Variants in PPRC1 observed in about 807,000 individuals in gnomAD.
PPRC1 encodes the protein PPARG related coactivator 1.
Under a neutral mutation model 132.5 loss-of-function variants are expected in PPRC1, and 23 were observed. The observed-to-expected ratio is 0.17, with a 90% CI of 0.12 to 0.25. The LOEUF is 0.25. PPRC1 is among the 10% of genes least tolerant of loss of function. The probability of loss-of-function intolerance (pLI) is 1.00; values close to 1 mark genes in which losing one functional copy is unlikely to be tolerated. For synonymous variants in PPRC1, 872 were observed against 833.5 expected, an observed-to-expected ratio of 1.05 and a Z score of -0.80; for missense variants, 2,006 against 2,089.1, an observed-to-expected ratio of 0.96 and a Z score of 0.78.
At chr10:102,128,167 G>T (rs2133560699), upstream of PPRC1, among the ~76,000 whole-genome samples, 1 of 151,532 alleles carries the variant, frequency 6.6e-6, no homozygotes, top group East Asian at 1.9e-4. Flanking sequence ...TTGAGACAGA[G>T]TCTTGCTCTG....
chr10:102,120,255 G>A, the PPRC1 span: 12 of 983,292 alleles, frequency 1.2e-5, no homozygotes, highest in Non-Finnish European at 1.2e-5. Context: ...GGTGCGGGCG[G>A]CCCCTGGCTG....
rs1439444662 is a variant in PPRC1 at position 102,147,067 on chromosome 10, A to C, written c.4075A>C (p.Ser1359Arg). The C allele has an allele frequency of 1.2e-6, 2 of 1,614,150 alleles. No homozygotes were observed. The highest frequency in any genetic ancestry group is 2.2e-5 in the South Asian group (2 of 91,084). ...ASREPLDHRT[S>R]SEQADPSAPC... is the part of the protein sequence containing the mutation. ...CCGGGAGCCGCTTGATCACAGGACT[A>C]GCAGTGAGCAGGCAGATCCCTCAGC... is the stretch of plus-strand genomic sequence containing the variant. Residue 1359 changes from serine to arginine, a missense_variant, in exon 9 of 14, where the codon AGC becomes CGC. Physicochemically the swap from Ser to Arg is moderately radical, Grantham distance 110. Transcript: ENST00000278070.
chr10:102,137,792 C>A, intron 1 of PPRC1, 58 bp from the exon 2 acceptor site: 2 of 1,518,500 alleles, frequency 1.3e-6, no homozygotes, highest in Non-Finnish European at 8.9e-7. Flanking sequence ...ATTTATGGAG[C>A]ATATTATCAG....
chr10:102,126,281 G>A, the PPRC1 span, among the ~76,000 whole-genome samples: 11,322 of 151,978 alleles, frequency 0.074, 499 homozygotes, highest in African/African-American at 0.12. Context: ...GTTTGAGACA[G>A]CAGTGAACTG....
chr10:102,149,055 G>T (rs2069396605), intron 12 of PPRC1, 117 bp downstream of exon 12: 2 of 1,530,612 alleles, frequency 1.3e-6, no homozygotes, highest in Admixed American at 2.0e-5. Flanking sequence ...CTTCATTTCT[G>T]CAGTCAGAGG....
Position 102,138,745 on chromosome 10 carries a change from T to C in PPRC1, c.469T>C (p.Ser157Pro). 6.2e-6 allele frequency: 10 copies of C among 1,614,200 alleles called. No homozygotes were observed. Among genetic ancestry groups the C allele is most frequent in the Non-Finnish European group, 8.5e-6 (10 of 1,180,026 alleles). Residue 157 changes from serine (S) to proline (P), a missense_variant, in exon 3 of 14, where the codon TCA (serine) becomes CCA (proline). Ser to Pro is a moderately conservative substitution (Grantham distance 74, BLOSUM62 -1). Coordinates refer to ENST00000278070, the MANE Select transcript of PPRC1 (RefSeq NM_015062.5). ...CATTCCTGATTCGGAGCTGCTTGTGTCACCCCGGGAGGGCTCCTCTGTGAG... is the reference window on the plus strand; with the variant it reads ...CATTCCTGATTCGGAGCTGCTTGTGCCACCCCGGGAGGGCTCCTCTGTGAG... The part of the protein sequence containing the change: ...DSIPDSELLV[S>P]PREGSSLHKL...
Position 102,148,324 on chromosome 10 carries a change from T to G in PPRC1, c.4401-48T>G, listed in dbSNP as rs532581861. The G allele has an allele frequency of 1.9e-6, 3 of 1,596,820 alleles. No individual in the cohort carries two copies. The highest frequency in any genetic ancestry group is 2.6e-6 in the Non-Finnish European group (3 of 1,171,268). On this transcript the variant is annotated intron_variant, in intron 9 of 13. Transcript: ENST00000278070. The surrounding 1 kb of genome is among the most constrained non-coding windows in gnomAD (Gnocchi z 4.2). ...TGGGGCCTGGGTGAGATAAGCAGAG[T>G]ATACCTGAACCACTCCCAGCATTCC...
chr10:102,130,278 G>T (rs768158712), upstream of PPRC1, among the ~76,000 whole-genome samples: 2 of 152,106 alleles, frequency 1.3e-5, no homozygotes, highest in Admixed American at 1.3e-4. Context: ...TTAGCCAGGC[G>T]TGGTGGCAGG....
chr10:102,140,393 C>G lies in PPRC1; in HGVS notation c.1885C>G (p.Pro629Ala). The G allele has an allele frequency of 6.2e-7, 1 of 1,614,176 alleles. No homozygotes were observed. Among genetic ancestry groups the G allele is most frequent in the South Asian group, 1.1e-5 (1 of 91,088 alleles). ...SELVEPLPAEPVLINPVLADS... is the reference protein window; with the variant it reads ...SELVEPLPAEAVLINPVLADS... ...ACTGGTTGAGCCTCTCCCGGCTGAGCCAGTGCTGATCAACCCAGTCCTGGC... is the reference window on the plus strand; with the variant it reads ...ACTGGTTGAGCCTCTCCCGGCTGAGGCAGTGCTGATCAACCCAGTCCTGGC... Residue 629 changes from proline to alanine, a missense_variant, in exon 5 of 14, where the codon CCA (proline) becomes GCA (alanine). Coordinates refer to ENST00000278070, the MANE Select transcript of PPRC1 (RefSeq NM_015062.5).
chr10:102,146,953 T>C lies in PPRC1; in HGVS notation c.3961T>C (p.Trp1321Arg), dbSNP rs2069274311. Reference protein sequence around the residue: ...ALVIPEVGSRWNVKRHQDITI... With the variant: ...ALVIPEVGSRRNVKRHQDITI... ...AGTCATTCCAGAGGTGGGCTCCCGA[T>C]GGAATGTCAAGCGCCATCAGGACAT... Residue 1321 changes from tryptophan (W) to arginine (R), a missense_variant, in exon 9 of 14, where the codon TGG becomes CGG. By Grantham distance (101) the Trp-to-Arg change is moderately radical. Coordinates refer to ENST00000278070, the MANE Select transcript of PPRC1 (RefSeq NM_015062.5). 3.1e-6 allele frequency: 5 copies of C among 1,613,996 alleles called. No individual in the cohort carries two copies. Among genetic ancestry groups the C allele is most frequent in the African/African-American group, 1.3e-5 (1 of 74,888 alleles).
upstream of PPRC1, among the ~76,000 whole-genome samples, chr10:102,131,468 T>C (rs572326850): frequency 2.6e-5 from 4 of 152,074 alleles, no homozygotes; most frequent in South Asian, 8.3e-4. Context: ...TGGGGATGTA[T>C]AGTGATGCAA....
chr10:102,138,945 C>T lies in PPRC1; in HGVS notation c.556C>T (p.Leu186=). 1 of 1,614,200 alleles carries T rather than the reference C, an allele frequency of 6.2e-7. No individual in the cohort carries two copies. The highest frequency in any genetic ancestry group is 8.5e-7 in the Non-Finnish European group (1 of 1,180,012). Residue 186 remains leucine (L), a synonymous_variant, in exon 4 of 14, where the codon CTG becomes TTG. Transcript: ENST00000278070. The part of the protein sequence containing the change: ...ERDLITPVDP[L]GPSTGSSRGS... ...TGACCTCATCACCCCAGTTGACCCA[C>T]TGGGGCCCAGTACAGGCAGCAGTAG...
chr10:102,135,144 G>A (rs1459036271), intron 1 of PPRC1, among the ~76,000 whole-genome samples: 1 of 152,242 alleles, frequency 6.6e-6, no homozygotes, highest in Non-Finnish European at 1.5e-5. Flanking sequence ...TTGGGATTAT[G>A]TAATTGGCAG....
Position 102,141,103 on chromosome 10 carries a change from G to A in PPRC1, c.2595G>A (p.Val865=), listed in dbSNP as rs1463873808. 1 of 1,614,082 alleles carries A rather than the reference G, an allele frequency of 6.2e-7. No homozygotes were observed. Among genetic ancestry groups the A allele is most frequent in the Non-Finnish European group, 8.5e-7 (1 of 1,180,004 alleles). Residue 865 remains valine (V), a synonymous_variant, in exon 5 of 14, where the codon GTG becomes GTA. Transcript: ENST00000278070. ...GACCTTCCCCTCCTGTGCAGTCTGT[G>A]TCCCCTGCTGTGCCCACACCTCCCT... ...LARPSPPVQS[V]SPAVPTPPSM...
chr10:102,125,724 C>T, the PPRC1 span, among the ~76,000 whole-genome samples: 2 of 152,088 alleles, frequency 1.3e-5, no homozygotes, highest in Admixed American at 6.6e-5. Flanking sequence ...GAGGTAAGCC[C>T]CCTGTTTGTC....
chr10:102,141,273 C>T lies in PPRC1; in HGVS notation c.2765C>T (p.Ser922Phe). The T allele has an allele frequency of 1.2e-6, 2 of 1,614,116 alleles. No individual in the cohort carries two copies. Among genetic ancestry groups the T allele is most frequent in the Non-Finnish European group, 1.7e-6 (2 of 1,179,986 alleles). Residue 922 changes from serine to phenylalanine, a missense_variant, in exon 5 of 14, where the codon TCC becomes TTC. By Grantham distance (155) the Ser-to-Phe change is radical. Around this residue, in one of 2 missense-constraint regions of PPRC1, gnomAD observed 1,914 missense variants for 1,917.2 expected, o/e 1.00. Transcript: ENST00000278070. ...TTTACTCACTATGCCCCCTTGCCAT[C>T]CTGGCCTTGTTATCCTCATGTGTCC... ...DPFTHYAPLP[S>F]WPCYPHVSPS...
chr10:102,125,345 G>A, the PPRC1 span, among the ~76,000 whole-genome samples: 2 of 147,946 alleles, frequency 1.4e-5, no homozygotes, highest in African/African-American at 5.0e-5. Flanking sequence ...TGCAACCTCC[G>A]CCTCCTGGGT....
intron 12 of PPRC1, 80 bp downstream of exon 12, chr10:102,149,018 T>TCTG: frequency 1.3e-6 from 2 of 1,578,792 alleles, no homozygotes; most frequent in Non-Finnish European, 1.7e-6. Context: ...GCCTCCTTGC[T>TCTG]CTGGTGTGCT....
chr10:102,140,393 C>A lies in PPRC1; in HGVS notation c.1885C>A (p.Pro629Thr), dbSNP rs1382394701. The A allele has an allele frequency of 9.9e-6, 16 of 1,614,176 alleles. No homozygotes were observed. Among genetic ancestry groups the A allele is most frequent in the Non-Finnish European group, 1.4e-5 (16 of 1,180,032 alleles). ...SELVEPLPAE[P>T]VLINPVLADS... The stretch of plus-strand genomic sequence containing the variant: ...ACTGGTTGAGCCTCTCCCGGCTGAG[C>A]CAGTGCTGATCAACCCAGTCCTGGC... The change falls in exon 5 of 14, where the codon CCA becomes ACA. Residue 629 changes from proline to threonine, a missense_variant. Around this residue, in one of 2 missense-constraint regions of PPRC1, gnomAD observed 1,914 missense variants for 1,917.2 expected, o/e 1.00. Coordinates refer to ENST00000278070, the MANE Select transcript of PPRC1 (RefSeq NM_015062.5).
Sources: gnomAD v4.1 joint callset for allele counts (sites outside exome capture counted in the v4.1 genomes callset) on GRCh38, gnomAD v4.1.1 for gene constraint, gnomAD v4.1.1 regional missense constraint, Gnocchi (gnomAD v3.1) non-coding constraint, MANE v1.5 for transcripts, NCBI Gene and HGNC (gene_info 2026-07-23, HGNC 2026-07-21) for gene names.